ZBTB24: variants seen among roughly 807,000 people sequenced by gnomAD.
The protein encoded by ZBTB24 is zinc finger and BTB domain-containing protein 24.
A neutral mutation model predicts 53.8 loss-of-function variants in ZBTB24; 32 were observed. That is an observed-to-expected ratio of 0.60 (90% confidence interval 0.45 to 0.80). ZBTB24 has a LOEUF of 0.80. ZBTB24 is among the 30% of genes least tolerant of loss of function. The pLI, the probability that ZBTB24 is intolerant of heterozygous loss-of-function variation, is 0.00. For synonymous variants in ZBTB24, 297 were observed against 306.7 expected (o/e 0.97, Z 0.33); for missense variants, 722 against 837.1 (o/e 0.86, Z 1.70).
intron 3 of ZBTB24, 105 bp downstream of exon 3, chr6:109,476,658 G>GTTGGAAATGATACTAGGC (rs1290435695): frequency 1.6e-5 from 24 of 1,459,842 alleles, no homozygotes; most frequent in Non-Finnish European, 2.2e-5. Context: ...ATGACACCAC[G>GTTGGAAATGATACTAGGC]TTGGAAATGA....
At chr6:109,468,509 CAT>C (rs2115355316) in intron 5 of ZBTB24, among the ~76,000 whole-genome samples, 1 of 152,178 alleles carries the variant, frequency 6.6e-6, no homozygotes, top group Non-Finnish European at 1.5e-5. Flanking sequence ...TCTCTGTTCA[CAT>C]GTTATTTTAT....
chr6:109,482,704 C>G (rs1776454186), intron 1 of ZBTB24, among the ~76,000 whole-genome samples: 1 of 152,068 alleles, frequency 6.6e-6, no homozygotes, highest in African/African-American at 2.4e-5. Flanking sequence ...TGGGATTAAC[C>G]ATCTCCAAAA....
chr6:109,469,513 T>C (rs1424592213), intron 5 of ZBTB24, among the ~76,000 whole-genome samples: 2 of 151,918 alleles, frequency 1.3e-5, no homozygotes, highest in Non-Finnish European at 2.9e-5. Context: ...CTAGCCAAGG[T>C]CAATCTGCAG....
At chr6:109,475,039 T>C (rs1776251360) in intron 5 of ZBTB24, among the ~76,000 whole-genome samples, 1 of 126,650 alleles carries the variant, frequency 7.9e-6, no homozygotes, top group Non-Finnish European at 1.6e-5. Context: ...CAAGCCCTTA[T>C]CTTTAAAAAA....
At position 109,476,702 on chromosome 6, in the gene ZBTB24, T is replaced by A. The variant is rs551507555; in HGVS notation, c.1120+61A>T. ...TGAGAAAACACCATTTAGGTGTTGG[T>A]AATGCCCACCCTGGGGAATGGGAAT... is the stretch of plus-strand genomic sequence containing the variant. On this transcript the variant is annotated intron_variant, in intron 3 of 6. Transcript: ENST00000230122. 95 of 1,582,424 alleles carry A rather than the reference T, an allele frequency of 6.0e-5. 1 individual carries two copies. In the South Asian group the frequency reaches 1.0e-3, roughly 17 times the overall value.
rs2115352523 is a variant in ZBTB24, at chr6:109,465,576, A to G, written c.*275T>C. Reference sequence around the variant, plus strand: ...AGAAAAACTGAGATCAATGCCCCCAAAGAAAAACTACCCGAGTCTTTATGA... The same window carrying G: ...AGAAAAACTGAGATCAATGCCCCCAGAGAAAAACTACCCGAGTCTTTATGA... On this transcript the variant is annotated 3_prime_UTR_variant, in exon 7 of 7. Transcript: ENST00000230122. The G allele has an allele frequency of 7.1e-7, 1 of 1,417,982 alleles. No individual in the cohort carries two copies. The highest frequency in any genetic ancestry group is 9.5e-7 in the Non-Finnish European group (1 of 1,049,522). 87.8% of individuals were successfully genotyped at this position (1,417,982 alleles called of 1,614,324 possible). A position where few individuals can be genotyped will look rare whatever the true frequency, so the allele number is the denominator to read the frequency against.
chr6:109,483,113 G>C lies in ZBTB24; in HGVS notation c.-44C>G, dbSNP rs1044962525. The C allele has an allele frequency of 6.6e-6, 1 of 152,098 alleles. No individual in the cohort carries two copies. Among genetic ancestry groups the C allele is most frequent in the Non-Finnish European group, 1.5e-5 (1 of 68,030 alleles). The allele number at this position is 152,098 out of a possible 1,614,324, so 9.4% of individuals were successfully genotyped here. On this transcript the variant is annotated 5_prime_UTR_variant, in exon 1 of 7. Transcript: ENST00000230122. ...GCCAACTCACCCGGCGGCCTGGCGGGAGACCCACGCCGGGGCCCGCTGGCC... is the reference window on the plus strand; with the variant it reads ...GCCAACTCACCCGGCGGCCTGGCGGCAGACCCACGCCGGGGCCCGCTGGCC...
intron 5 of ZBTB24, among the ~76,000 whole-genome samples, chr6:109,471,603 G>A (rs1007837555): frequency 2.6e-5 from 4 of 152,164 alleles, no homozygotes; most frequent in Admixed American, 2.0e-4. Context: ...CTGGCGGGGT[G>A]GGACTGTGCT....
intron 5 of ZBTB24, among the ~76,000 whole-genome samples, chr6:109,471,390 C>A (rs1776161988): frequency 6.6e-6 from 1 of 152,154 alleles, no homozygotes; most frequent in Non-Finnish European, 1.5e-5. Context: ...TGGGAAGACC[C>A]CCAGGTCTCA....
intron 5 of ZBTB24, among the ~76,000 whole-genome samples, chr6:109,473,164 A>G (rs141709564): frequency 1.1e-4 from 17 of 152,296 alleles, no homozygotes; most frequent in African/African-American, 3.8e-4. Flanking sequence ...AAAAAACACC[A>G]ATTCCCAGGC....
intron 5 of ZBTB24, among the ~76,000 whole-genome samples, chr6:109,468,773 G>T (rs1776106446): frequency 1.3e-5 from 2 of 152,134 alleles, no homozygotes; most frequent in African/African-American, 4.8e-5. Flanking sequence ...GCACACCTGA[G>T]ATGCTATAAC....
chr6:109,471,200 T>C (rs937319848), intron 5 of ZBTB24, among the ~76,000 whole-genome samples: 2 of 152,248 alleles, frequency 1.3e-5, no homozygotes, highest in African/African-American at 4.8e-5. Context: ...CCATGATAAC[T>C]GTGGATAGCA....
intron 5 of ZBTB24, among the ~76,000 whole-genome samples, chr6:109,470,446 C>G (rs1160881978): frequency 6.6e-6 from 1 of 152,216 alleles, no homozygotes; most frequent in African/African-American, 2.4e-5. Flanking sequence ...ATCCCGGACC[C>G]CACTCCAGAT....
intron 5 of ZBTB24, among the ~76,000 whole-genome samples, chr6:109,475,043 TAA>T (rs5879027): frequency 1.7e-4 from 20 of 116,370 alleles, no homozygotes; most frequent in East Asian, 4.9e-4. Context: ...CCCTTATCTT[TAA>T]AAAAAAAAAA....
chr6:109,467,549 A>G lies in ZBTB24; in HGVS notation c.1370+104T>C, dbSNP rs191848671. 1.3e-5 allele frequency: 20 copies of G among 1,588,258 alleles called. No individual in the cohort carries two copies. The African/African-American group carries it at 2.7e-4, about 22-fold the overall frequency. On this transcript the variant is annotated intron_variant, in intron 6 of 6. Transcript: ENST00000230122. The stretch of plus-strand genomic sequence containing the variant: ...TAATAAACTGCACACAAAATTCTGC[A>G]AAGTAACAACTGGGAGAAAACTATA...
chr6:109,479,520 G>A (rs942370544), intron 2 of ZBTB24, among the ~76,000 whole-genome samples: 10 of 152,194 alleles, frequency 6.6e-5, no homozygotes, highest in East Asian at 3.9e-4. Flanking sequence ...ATTGTGAGTC[G>A]GGGACTGTCT....
At chr6:109,474,504 G>A (rs1776238110) in intron 5 of ZBTB24, among the ~76,000 whole-genome samples, 1 of 152,128 alleles carries the variant, frequency 6.6e-6, no homozygotes, top group Non-Finnish European at 1.5e-5. Flanking sequence ...AGGCCAAGGT[G>A]GGCAGATCAC....
chr6:109,476,184 C>G lies in ZBTB24; in HGVS notation c.1195G>C (p.Val399Leu). Residue 399 changes from valine to leucine, a missense_variant, in exon 4 of 7, where the codon GTT becomes CTT. By Grantham distance (32) the Val-to-Leu change is conservative. Coordinates refer to ENST00000230122, the MANE Select transcript of ZBTB24 (RefSeq NM_014797.3). ...QNRQLKSHYR[V>L]HTGHSLPECK... ...TCTCACTTTATCGTACCTGTATGAACTCGGTAATGGCTCTTTAGCTGTCTG... is the reference window on the plus strand; with the variant it reads ...TCTCACTTTATCGTACCTGTATGAAGTCGGTAATGGCTCTTTAGCTGTCTG... The G allele has an allele frequency of 6.2e-7, 1 of 1,614,116 alleles. No individual in the cohort carries two copies. The highest frequency in any genetic ancestry group is 1.1e-5 in the South Asian group (1 of 91,088).
intron 2 of ZBTB24, among the ~76,000 whole-genome samples, chr6:109,480,057 T>C (rs933284163): frequency 2.6e-5 from 4 of 152,112 alleles, no homozygotes; most frequent in African/African-American, 9.7e-5. Context: ...AGGGAGCTTT[T>C]AAAAGCACCA....
Sources: allele counts gnomAD v4.1 joint callset (sites outside exome capture counted in the v4.1 genomes callset), GRCh38; gene constraint gnomAD v4.1.1; transcripts MANE v1.5; gene names NCBI Gene and HGNC (gene_info 2026-07-23, HGNC 2026-07-21).